Variants in IKBKB-DT observed in about 807,000 individuals in gnomAD.
IKBKB-DT encodes IKBKB antisense RNA.
At chr8:42,266,548 A>G (rs902209251) in intron 1 of IKBKB-DT, among the ~76,000 whole-genome samples, 2 of 152,214 alleles carry the variant, frequency 1.3e-5, no homozygotes, top group Non-Finnish European at 2.9e-5. Context: ...TACTGCCAGA[A>G]GCATTTGAAC....
At chr8:42,260,493 G>A (rs1055736192) in intron 3 of IKBKB-DT, among the ~76,000 whole-genome samples, 20 of 151,694 alleles carry the variant, frequency 1.3e-4, no homozygotes, top group Admixed American at 6.6e-5. Flanking sequence ...GTGAAACTCC[G>A]TTTTAAACCC....
intron 2 of IKBKB-DT, among the ~76,000 whole-genome samples, chr8:42,263,810 G>A (rs190925432): frequency 5.9e-5 from 9 of 152,138 alleles, no homozygotes; most frequent in South Asian, 2.1e-4. Flanking sequence ...ATGGAGACGC[G>A]TTTTTTTGTT....
chr8:42,269,885 C>A (rs762880415), intron 1 of IKBKB-DT, among the ~76,000 whole-genome samples: 3 of 152,170 alleles, frequency 2.0e-5, no homozygotes, highest in Non-Finnish European at 4.4e-5. Flanking sequence ...CCTGCTATTA[C>A]AATGAAGCAG....
At chr8:42,234,135 C>T (rs1585457157) in intron 3 of IKBKB-DT, among the ~76,000 whole-genome samples, 1 of 152,156 alleles carries the variant, frequency 6.6e-6, no homozygotes, top group Non-Finnish European at 1.5e-5. Flanking sequence ...GAGTTTCTCC[C>T]AAAGTTAGTT....
At chr8:42,270,846 C>A in exon 1 of IKBKB-DT, 1 of 154,172 alleles carries the variant, frequency 6.5e-6, no homozygotes, top group Non-Finnish European at 1.5e-5. Flanking sequence ...CAGGGGCTGT[C>A]ACCTCTGAGG....
chr8:42,242,852 A>T (rs1410453250), intron 3 of IKBKB-DT, among the ~76,000 whole-genome samples: 2 of 152,230 alleles, frequency 1.3e-5, no homozygotes, highest in Non-Finnish European at 2.9e-5. Flanking sequence ...TGATGGCTGC[A>T]GGACCGGACT....
chr8:42,242,829 T>A (rs918574815), intron 3 of IKBKB-DT, among the ~76,000 whole-genome samples: 1 of 152,220 alleles, frequency 6.6e-6, no homozygotes, highest in Non-Finnish European at 1.5e-5. Context: ...CCATACCCAG[T>A]GCGATTTCCA....
At chr8:42,269,571 G>A (rs1563281156) in intron 1 of IKBKB-DT, among the ~76,000 whole-genome samples, 1 of 139,240 alleles carries the variant, frequency 7.2e-6, no homozygotes, top group Non-Finnish European at 1.6e-5. Context: ...GGGAAGGGAA[G>A]GGAAGGGGAG....
chr8:42,252,076 G>A (rs956342296), intron 3 of IKBKB-DT, among the ~76,000 whole-genome samples: 9 of 152,240 alleles, frequency 5.9e-5, no homozygotes, highest in Non-Finnish European at 1.2e-4. Context: ...GGCCAGGCAT[G>A]TTCAACATGG....
chr8:42,248,879 A>AC (rs895734974), intron 3 of IKBKB-DT, among the ~76,000 whole-genome samples: 2 of 152,126 alleles, frequency 1.3e-5, no homozygotes, highest in South Asian at 2.1e-4. Flanking sequence ...CAAAAAAAAA[A>AC]AAAAAAACAA....
intron 1 of IKBKB-DT, among the ~76,000 whole-genome samples, chr8:42,266,846 A>G (rs1807376892): frequency 6.6e-6 from 1 of 151,950 alleles, no homozygotes; most frequent in African/African-American, 2.4e-5. Flanking sequence ...AAGTTACCCT[A>G]TTTGGTCTAA....
At chr8:42,266,125 GT>G (rs1807365818) in exon 2 of IKBKB-DT, 1 of 152,228 alleles carries the variant, frequency 6.6e-6, no homozygotes. Flanking sequence ...AGGAGTTTTT[GT>G]CTGTTGAAGA....
chr8:42,239,252 G>T (rs1025276309), intron 3 of IKBKB-DT, among the ~76,000 whole-genome samples: 1 of 152,000 alleles, frequency 6.6e-6, no homozygotes, highest in South Asian at 2.1e-4. Flanking sequence ...CCACAGCTAC[G>T]GGGCCTCTCC....
intron 3 of IKBKB-DT, among the ~76,000 whole-genome samples, chr8:42,238,084 G>T (rs896232781): frequency 3.5e-5 from 5 of 144,248 alleles, no homozygotes; most frequent in Non-Finnish European, 6.0e-5. Flanking sequence ...GGGTAACAAG[G>T]CTACCCCACA....
intron 3 of IKBKB-DT, among the ~76,000 whole-genome samples, chr8:42,234,470 T>C (rs970199062): frequency 2.0e-5 from 3 of 152,220 alleles, no homozygotes; most frequent in African/African-American, 7.2e-5. Flanking sequence ...CACAACATTT[T>C]AAGACAATAA....
intron 3 of IKBKB-DT, among the ~76,000 whole-genome samples, chr8:42,240,554 G>A (rs545701681): frequency 6.9e-6 from 1 of 144,682 alleles, no homozygotes; most frequent in South Asian, 2.1e-4. Flanking sequence ...GAACCCGGGA[G>A]GTAGAGTTTG....
At chr8:42,268,129 A>ATT (rs541093630) in intron 1 of IKBKB-DT, among the ~76,000 whole-genome samples, 1,374 of 130,358 alleles carry the variant, frequency 0.011, 38 homozygotes, top group African/African-American at 0.039. Flanking sequence ...GTGCTCAATA[A>ATT]TTTTTTTTTT....
chr8:42,236,164 CTT>C (rs879354152), intron 3 of IKBKB-DT, among the ~76,000 whole-genome samples: 1 of 145,986 alleles, frequency 6.8e-6, no homozygotes, highest in African/African-American at 2.5e-5. Context: ...TCACTTCTCT[CTT>C]TTTTTTTTTT....
intron 3 of IKBKB-DT, among the ~76,000 whole-genome samples, chr8:42,257,278 C>T (rs562508643): frequency 6.7e-6 from 1 of 148,866 alleles, no homozygotes; most frequent in East Asian, 2.1e-4. Context: ...CCGAGGCAGG[C>T]GGATCACGAG....
Sources: allele counts gnomAD v4.1 joint callset (sites outside exome capture counted in the v4.1 genomes callset), GRCh38; gene constraint gnomAD v4.1.1; transcripts MANE v1.5; gene names NCBI Gene and HGNC (gene_info 2026-07-23, HGNC 2026-07-21).